The following CPEB4 variants were observed in gnomAD, a reference collection of about 807,000 sequenced individuals.
The protein encoded by CPEB4 is cytoplasmic polyadenylation element-binding protein 4.
Under a neutral mutation model 72.5 loss-of-function variants are expected in CPEB4, and 12 were observed. The observed-to-expected ratio is 0.17, with a 90% CI of 0.11 to 0.27. CPEB4 has a LOEUF of 0.27. CPEB4 is among the 10% of genes least tolerant of loss of function. The pLI is 1.00. For missense variants in CPEB4, 614 were observed against 908.5 expected, an observed-to-expected ratio of 0.68 and a Z score of 4.17; for synonymous variants, 302 against 326.3, an observed-to-expected ratio of 0.93 and a Z score of 0.80.
chr5:173,907,824 G>T (rs954799172), intron 1 of CPEB4, among the ~76,000 whole-genome samples: 3 of 152,206 alleles, frequency 2.0e-5, no homozygotes, highest in Non-Finnish European at 4.4e-5. Context: ...GCCACCTCAG[G>T]CTCTTTTGGA....
chr5:173,916,972 A>G (rs1756892191), intron 2 of CPEB4, among the ~76,000 whole-genome samples: 1 of 152,214 alleles, frequency 6.6e-6, no homozygotes, highest in Non-Finnish European at 1.5e-5. Flanking sequence ...ACACCATTTT[A>G]CTAATATTCC....
At chr5:173,934,677 A>G (rs1004812032) in intron 3 of CPEB4, among the ~76,000 whole-genome samples, 5 of 152,190 alleles carry the variant, frequency 3.3e-5, no homozygotes, top group Non-Finnish European at 7.3e-5. Flanking sequence ...ATGAAGCATA[A>G]AACTTCCAGG....
At chr5:173,926,382 T>C (rs796514568) in intron 2 of CPEB4, among the ~76,000 whole-genome samples, 5 of 152,368 alleles carry the variant, frequency 3.3e-5, no homozygotes, top group African/African-American at 9.6e-5. Flanking sequence ...CTGTTCTTTT[T>C]AGCACCTCCT....
At chr5:173,910,498 G>T (rs1756615273) in intron 1 of CPEB4, 25 bp from the exon 2 acceptor site, 3 of 1,540,122 alleles carry the variant, frequency 1.9e-6, no homozygotes, top group Non-Finnish European at 2.7e-6. Flanking sequence ...TTTAAAAAGT[G>T]GTTTGTGGCT....
chr5:173,910,569 T>C lies in CPEB4; in HGVS notation c.1172T>C (p.Ile391Thr). The C allele has an allele frequency of 1.2e-6, 2 of 1,613,424 alleles. No individual in the cohort carries two copies. Among genetic ancestry groups the C allele is most frequent in the South Asian group, 2.2e-5 (2 of 91,072 alleles). The change falls in exon 2 of 10, where the codon ATT becomes ACT. Residue 391 changes from isoleucine to threonine, a missense_variant. Ile to Thr is a moderately conservative substitution (Grantham distance 89, BLOSUM62 -1). Coordinates refer to ENST00000265085, the MANE Select transcript of CPEB4 (RefSeq NM_030627.4). ...FDMHSLESSLIDIMRAENDTI... is the reference protein window; with the variant it reads ...FDMHSLESSLTDIMRAENDTI... ...ATGCACTCACTGGAGAGTTCACTCA[T>C]TGACATAATGAGAGCTGAAAATGAT... is the stretch of plus-strand genomic sequence containing the variant.
At chr5:173,945,211 A>C in intron 5 of CPEB4, 71 bp downstream of exon 5, 1 of 1,322,868 alleles carries the variant, frequency 7.6e-7, no homozygotes, top group Non-Finnish European at 1.1e-6. Context: ...AGATAGTGTT[A>C]CAATAACAGT....
chr5:173,907,650 CCATT>C (rs2113164996), intron 1 of CPEB4, among the ~76,000 whole-genome samples: 1 of 152,322 alleles, frequency 6.6e-6, no homozygotes, highest in East Asian at 1.9e-4. Context: ...AGGAATACAT[CCATT>C]CATTGATTTA....
chr5:173,949,692 G>A, intron 6 of CPEB4, 95 bp downstream of exon 6: 4 of 871,354 alleles, frequency 4.6e-6, no homozygotes, highest in Non-Finnish European at 3.6e-6. Flanking sequence ...GTAAAATGTT[G>A]CATTGTTAAA....
At chr5:173,941,789 A>T (rs1380057468) in intron 3 of CPEB4, among the ~76,000 whole-genome samples, 1 of 152,150 alleles carries the variant, frequency 6.6e-6, no homozygotes, top group African/African-American at 2.4e-5. Flanking sequence ...GAGGCACGAG[A>T]ATCGCTTGAA....
intron 1 of CPEB4, among the ~76,000 whole-genome samples, chr5:173,898,598 T>C (rs1476519320): frequency 6.6e-6 from 1 of 152,248 alleles, no homozygotes; most frequent in African/African-American, 2.4e-5. Context: ...ACAGAAATAT[T>C]AAGTCAAAGT....
In CPEB4 at chr5:173,957,482, A is replaced by G. The variant is rs960034151; in HGVS notation, c.*1345A>G. ...GACATAGTCAGTGTTTGAAGTGCCA[A>G]CTTCATCAAGTAATGCATGCTTTAT... On this transcript the variant is annotated 3_prime_UTR_variant, in exon 10 of 10. Transcript: ENST00000265085. 11 of 152,906 alleles carry G rather than the reference A, an allele frequency of 7.2e-5. No homozygotes were observed. Among genetic ancestry groups the G allele is most frequent in the Middle Eastern group, 6.8e-3 (2 of 294 alleles). 9.5% of individuals were successfully genotyped at this position (152,906 alleles called of 1,614,324 possible).
Position 173,900,076 on chromosome 5 carries a change from G to A in CPEB4, c.1125+9218G>A, listed in dbSNP as rs1190755674. On this transcript the variant is annotated intron_variant, in intron 1 of 9. Coordinates refer to ENST00000265085, the MANE Select transcript of CPEB4 (RefSeq NM_030627.4). The surrounding 1 kb of genome is among the most constrained non-coding windows in gnomAD (Gnocchi z 4.4). ...TGTCAAGGCTCACAGAAGAGATGTC[G>A]AGGGTTACAAGACATAAGCTTCAGT... Among the ~76,000 whole-genome samples, 1 of 152,046 alleles carries A rather than the reference G, an allele frequency of 6.6e-6. No homozygotes were observed. The highest frequency in any genetic ancestry group is 1.9e-4 in the East Asian group (1 of 5,188).
Position 173,955,860 on chromosome 5 carries a change from C to T in CPEB4, c.1963-50C>T. ...GGTGGAAATGTACATGTATGGTAAG[C>T]ATTGCTGGCCTAGTCACTGAAAAAT... is the stretch of plus-strand genomic sequence containing the variant. On this transcript the variant is annotated intron_variant, in intron 9 of 9. Coordinates refer to ENST00000265085, the MANE Select transcript of CPEB4 (RefSeq NM_030627.4). This position sits in a 1 kb window ranked among gnomAD's most constrained non-coding sequence, Gnocchi z 4.7. The T allele has an allele frequency of 7.0e-7, 1 of 1,420,412 alleles. No homozygotes were observed. Among genetic ancestry groups the T allele is most frequent in the Non-Finnish European group, 9.8e-7 (1 of 1,017,750 alleles). The allele number at this position is 1,420,412 out of a possible 1,614,324, so 88.0% of individuals were successfully genotyped here.
intron 2 of CPEB4, among the ~76,000 whole-genome samples, chr5:173,916,957 T>C (rs1756891069): frequency 6.6e-6 from 1 of 152,230 alleles, no homozygotes; most frequent in Admixed American, 6.5e-5. Flanking sequence ...AACTTTTCTT[T>C]CGATACACCA....
At chr5:173,936,835 A>G (rs925100263) in intron 3 of CPEB4, among the ~76,000 whole-genome samples, 1 of 149,262 alleles carries the variant, frequency 6.7e-6, no homozygotes, top group Admixed American at 6.7e-5. Context: ...TTTTTCTCTA[A>G]CCTTTCATTC....
rs1758359508 is a variant in CPEB4, at chr5:173,955,781, GAAT to G, written c.1963-125_1963-123del. 3 of 638,834 alleles carry G rather than the reference GAAT, an allele frequency of 4.7e-6. No homozygotes were observed. Among genetic ancestry groups the G allele is most frequent in the Non-Finnish European group, 5.3e-6 (2 of 376,986 alleles). The allele number at this position is 638,834 out of a possible 1,614,324, so 39.6% of individuals were successfully genotyped here. On this transcript the variant is annotated intron_variant, in intron 9 of 9. Coordinates refer to ENST00000265085, the MANE Select transcript of CPEB4 (RefSeq NM_030627.4). The surrounding 1 kb of genome is among the most constrained non-coding windows in gnomAD (Gnocchi z 4.7). ...ATGAACTATCCATATTTCAGTAAAT[GAAT>G]AATTAGTCCTTCCTCTTTGGGCACC...
Position 173,942,960 on chromosome 5 carries a change from C to G in CPEB4, c.1259-66C>G. ...CTGGTAGATGAAATCACAGTTGATT[C>G]TTTTGACAATGTTTGAAAGGTTGTT... On this transcript the variant is annotated intron_variant, in intron 3 of 9. Coordinates refer to ENST00000265085, the MANE Select transcript of CPEB4 (RefSeq NM_030627.4). The G allele has an allele frequency of 3.3e-6, 5 of 1,509,744 alleles. No individual in the cohort carries two copies. The South Asian group carries it at 4.8e-5, about 14-fold the overall frequency. 93.5% of individuals were successfully genotyped at this position (1,509,744 alleles called of 1,614,324 possible). A position where few individuals can be genotyped will look rare whatever the true frequency, so the allele number is the denominator to read the frequency against.
intron 2 of CPEB4, among the ~76,000 whole-genome samples, chr5:173,931,140 T>A (rs964675524): frequency 3.9e-5 from 6 of 152,214 alleles, no homozygotes; most frequent in African/African-American, 7.2e-5. Flanking sequence ...GGAGACTGTT[T>A]CAAAGAAGCA....
Position 173,890,575 on chromosome 5 carries a change from C to A in CPEB4, c.842C>A (p.Pro281His). Reference protein sequence around the residue: ...LPHLANNLNKPPSPWSSYQSP... With the variant: ...LPHLANNLNKHPSPWSSYQSP... ...CATTTGGCGAATAATCTTAACAAACCCCCCTCTCCGTGGAGCAGCTACCAG... is the reference window on the plus strand; with the variant it reads ...CATTTGGCGAATAATCTTAACAAACACCCCTCTCCGTGGAGCAGCTACCAG... The change falls in exon 1 of 10, where the codon CCC (proline) becomes CAC (histidine). Residue 281 changes from proline (P) to histidine (H), a missense_variant. Physicochemically the swap from Pro to His is moderately conservative, Grantham distance 77. Coordinates refer to ENST00000265085, the MANE Select transcript of CPEB4 (RefSeq NM_030627.4). 4.3e-6 allele frequency: 7 copies of A among 1,614,086 alleles called. No homozygotes were observed. The highest frequency in any genetic ancestry group is 1.1e-5 in the South Asian group (1 of 91,074).
Sources: gnomAD v4.1 joint callset for allele counts (sites outside exome capture counted in the v4.1 genomes callset) on GRCh38, gnomAD v4.1.1 for gene constraint, Gnocchi (gnomAD v3.1) non-coding constraint, MANE v1.5 for transcripts, NCBI Gene and HGNC (gene_info 2026-07-23, HGNC 2026-07-21) for gene names.